Variants in MORN3 observed in about 807,000 individuals in gnomAD.
The protein encoded by MORN3 is MORN repeat containing 3.
MORN3 carries 38 observed loss-of-function variants against 34.7 expected under a neutral mutation model. That is an observed-to-expected ratio of 1.10 (90% CI 0.85 to 1.44). The LOEUF (loss-of-function observed/expected upper bound fraction) is 1.44, where lower values mean the gene tolerates loss of function less well. Among genes scored for constraint, MORN3 ranks in the 40% most tolerant of loss-of-function variants. The pLI, the probability that MORN3 is intolerant of heterozygous loss-of-function variation, is 0.00. For synonymous variants in MORN3, 109 were observed against 115.3 expected (o/e 0.95, Z 0.35); for missense variants, 311 against 321.7 (o/e 0.97, Z 0.25).
chr12:121,669,056 A>C (rs779789561), intron 1 of MORN3, among the ~76,000 whole-genome samples: 2 of 152,152 alleles, frequency 1.3e-5, no homozygotes, highest in Non-Finnish European at 2.9e-5. Flanking sequence ...AGAAGGCAGG[A>C]ACTGAGCCCC....
chr12:121,659,162 CA>C (rs762184883), intron 2 of MORN3, 28 bp downstream of exon 2: 117 of 1,607,842 alleles, frequency 7.3e-5, no homozygotes, highest in African/African-American at 6.8e-4. Context: ...CACACACACA[CA>C]CACACCCCGG....
chr12:121,653,091 T>G lies in MORN3; in HGVS notation c.632A>C (p.Gln211Pro). 6.2e-7 allele frequency: 1 copy of G among 1,612,480 alleles called. No individual in the cohort carries two copies. Among genetic ancestry groups the G allele is most frequent in the Non-Finnish European group, 8.5e-7 (1 of 1,179,410 alleles). Residue 211 changes from glutamine to proline, a missense_variant, in exon 4 of 6, where the codon CAG becomes CCG. Gln to Pro is a moderately conservative substitution (Grantham distance 76). Coordinates refer to ENST00000355329, the MANE Select transcript of MORN3 (RefSeq NM_173855.5). Reference protein sequence around the residue: ...FGRDEAPEPTQFPIPEVKILD... With the variant: ...FGRDEAPEPTPFPIPEVKILD... ...GCTGCCCACCTCAGGAATGGGGAACTGAGTGGGCTCAGGGGCCTCGTCACG... is the reference window on the plus strand; with the variant it reads ...GCTGCCCACCTCAGGAATGGGGAACGGAGTGGGCTCAGGGGCCTCGTCACG...
intron 1 of MORN3, among the ~76,000 whole-genome samples, chr12:121,668,249 G>C (rs1472933450): frequency 6.6e-6 from 1 of 151,394 alleles, no homozygotes; most frequent in African/African-American, 2.4e-5. Flanking sequence ...ATGGTTAAGA[G>C]CACAGAATTG....
chr12:121,669,465 G>C lies in MORN3; in HGVS notation c.19C>G (p.Pro7Ala), dbSNP rs552054341. 6.2e-7 allele frequency: 1 copy of C among 1,613,674 alleles called. No individual in the cohort carries two copies. Among genetic ancestry groups the C allele is most frequent in the South Asian group, 1.1e-5 (1 of 91,092 alleles). The change falls in exon 1 of 6, where the codon CCA (proline) becomes GCA (alanine). Residue 7 changes from proline (P) to alanine (A), a missense_variant. Coordinates refer to ENST00000355329, the MANE Select transcript of MORN3 (RefSeq NM_173855.5). MPVSKC[P>A]KKSESLWKGW... ...TTCCACAGGGACTCCGACTTTTTTG[G>C]GCACTTAGAGACTGGCATGGTGGCT...
intron 3 of MORN3, 92 bp downstream of exon 3, chr12:121,654,182 G>A (rs1191953353): frequency 9.5e-7 from 1 of 1,048,662 alleles, no homozygotes; most frequent in Non-Finnish European, 1.4e-6. Context: ...AGTGTGGGGT[G>A]TGGCCTGTCT....
intron 4 of MORN3, 92 bp downstream of exon 4, chr12:121,652,983 G>C (rs1009166458): frequency 7.5e-6 from 11 of 1,469,024 alleles, no homozygotes; most frequent in Non-Finnish European, 1.0e-5. Flanking sequence ...GGGCTTGGCT[G>C]GGCCTGGCAG....
At chr12:121,664,983 G>C (rs1187988675) in intron 1 of MORN3, among the ~76,000 whole-genome samples, 1 of 151,678 alleles carries the variant, frequency 6.6e-6, no homozygotes, top group Non-Finnish European at 1.5e-5. Context: ...TCAATAGGCT[G>C]GGAATTAGAG....
At chr12:121,666,148 G>A (rs930287648) in intron 1 of MORN3, among the ~76,000 whole-genome samples, 7 of 152,096 alleles carry the variant, frequency 4.6e-5, no homozygotes, top group Non-Finnish European at 8.8e-5. Context: ...TGGCCAACAT[G>A]GTGAATCCGT....
At chr12:121,665,016 T>C (rs924560575) in intron 1 of MORN3, among the ~76,000 whole-genome samples, 2 of 151,938 alleles carry the variant, frequency 1.3e-5, no homozygotes, top group Non-Finnish European at 2.9e-5. Flanking sequence ...TTTTCTCTGC[T>C]AGTCCATTTT....
chr12:121,656,790 G>A (rs1893431266), intron 2 of MORN3, among the ~76,000 whole-genome samples: 1 of 152,100 alleles, frequency 6.6e-6, no homozygotes, highest in Non-Finnish European at 1.5e-5. Context: ...CAAATTGCTG[G>A]GATTACAGGC....
intron 1 of MORN3, among the ~76,000 whole-genome samples, chr12:121,667,730 C>CTT (rs1206681304): frequency 7.2e-6 from 1 of 138,820 alleles, no homozygotes; most frequent in African/African-American, 2.7e-5. Flanking sequence ...TTTTTTTTTT[C>CTT]TTTTTTTTTT....
At chr12:121,666,452 C>T (rs571536540) in intron 1 of MORN3, among the ~76,000 whole-genome samples, 5 of 152,060 alleles carry the variant, frequency 3.3e-5, no homozygotes, top group South Asian at 2.1e-4. Context: ...TTCAGTGAGC[C>T]GAGATCGCAG....
intron 1 of MORN3, among the ~76,000 whole-genome samples, chr12:121,665,591 C>T (rs1893728697): frequency 6.6e-6 from 1 of 151,236 alleles, no homozygotes; most frequent in African/African-American, 2.4e-5. Context: ...ATGGTGAAAC[C>T]TCGTCTCTAC....
chr12:121,660,336 T>C (rs188838472), intron 1 of MORN3, among the ~76,000 whole-genome samples: 70 of 142,790 alleles, frequency 4.9e-4, no homozygotes, highest in Non-Finnish European at 8.7e-4. Context: ...GTTTTCTCTT[T>C]TTTTTTCTTT....
rs796851295 is a variant in MORN3 at position 121,660,333 on chromosome 12, C to CTTTT, written c.146-989_146-986dup. Among the ~76,000 whole-genome samples the CTTTT allele has an allele frequency of 6.3e-5, 9 of 142,556 alleles. No homozygotes were observed. In the East Asian group the frequency reaches 1.4e-3, roughly 23 times the overall value. The allele number at this position is 142,556 out of a possible 152,430, so 93.5% of individuals were successfully genotyped here. On this transcript the variant is annotated intron_variant, in intron 1 of 5. Transcript: ENST00000355329. ...AATACCTGCTAATTTACTGTTTTCT[C>CTTTT]TTTTTTTTTCTTTCTTTCTTTCTTT...
chr12:121,668,323 ACT>A (rs1447614830), intron 1 of MORN3, among the ~76,000 whole-genome samples: 2 of 151,708 alleles, frequency 1.3e-5, no homozygotes, highest in East Asian at 3.9e-4. Flanking sequence ...CGGGCGGATC[ACT>A]CGAGGTCGGG....
At chr12:121,656,768 CT>C (rs1315374093) in intron 2 of MORN3, among the ~76,000 whole-genome samples, 9 of 152,066 alleles carry the variant, frequency 5.9e-5, no homozygotes, top group Admixed American at 2.0e-4. Context: ...TGATACACCC[CT>C]GTCTGCCTCC....
At chr12:121,659,148 CA>C in intron 2 of MORN3, 42 bp downstream of exon 2, 1 of 1,590,844 alleles carries the variant, frequency 6.3e-7, no homozygotes. Context: ...CACACACACA[CA>C]CACACACACA....
Position 121,649,750 on chromosome 12 carries a change from C to T in MORN3, c.*1901G>A, listed in dbSNP as rs1217317158. ...TGGAGATGGTGTCTCGCTCTGTCGC[C>T]CAGGCTGGAGTGCAATGGCGCAATC... On this transcript the variant is annotated 3_prime_UTR_variant, in exon 6 of 6. Coordinates refer to ENST00000355329, the MANE Select transcript of MORN3 (RefSeq NM_173855.5). 1 of 149,432 alleles carries T rather than the reference C, an allele frequency of 6.7e-6. No individual in the cohort carries two copies. Among genetic ancestry groups the T allele is most frequent in the Non-Finnish European group, 1.5e-5 (1 of 67,530 alleles). 9.3% of individuals were successfully genotyped at this position (149,432 alleles called of 1,614,324 possible).
Sources: gnomAD v4.1 joint callset for allele counts (sites outside exome capture counted in the v4.1 genomes callset) on GRCh38, gnomAD v4.1.1 for gene constraint, MANE v1.5 for transcripts, NCBI Gene and HGNC (gene_info 2026-07-23, HGNC 2026-07-21) for gene names.